The following GBA2 variants were observed in gnomAD, a reference collection of about 807,000 sequenced individuals.
GBA2 encodes glucosylceramidase beta 2, also known as non-lysosomal glucosylceramidase.
Under a neutral mutation model 112.9 loss-of-function variants are expected in GBA2, and 79 were observed. The ratio of observed to expected loss-of-function variants is 0.70; its 90% CI spans 0.58 to 0.84. The LOEUF (loss-of-function observed/expected upper bound fraction) is 0.84, where lower values mean the gene tolerates loss of function less well. GBA2 is among the 40% of genes least tolerant of loss of function. GBA2 has a pLI of 0.00. For synonymous variants in GBA2, 403 were observed against 434.3 expected (o/e 0.93, Z 0.90); for missense variants, 1,043 against 1,190.0 (o/e 0.88, Z 1.82).
chr9:35,737,751 T>C lies in GBA2; in HGVS notation c.2502A>G (p.Gln834=). 1 of 1,613,974 alleles carries C rather than the reference T, an allele frequency of 6.2e-7. No individual in the cohort carries two copies. Among genetic ancestry groups the C allele is most frequent in the South Asian group, 1.1e-5 (1 of 91,078 alleles). Reference sequence around the variant, plus strand: ...GATGGGAAAAGGAGTGCATTACCTCTTGGATCATGGTAGCTGCCAGCCCGT... The same window carrying C: ...GATGGGAAAAGGAGTGCATTACCTCCTGGATCATGGTAGCTGCCAGCCCGT... ...VVYGLAATMI[Q]EGLTWEGFQT... Residue 834 remains glutamine, a synonymous_variant, in exon 16 of 17, where the codon CAA becomes CAG. Transcript: ENST00000378103. The surrounding 1 kb of genome is among the most constrained non-coding windows in gnomAD (Gnocchi z 4.1).
rs773564024 is a variant in GBA2, at chr9:35,737,507, A to C, written c.2506-60T>G. On this transcript the variant is annotated intron_variant, in intron 16 of 16. Coordinates refer to ENST00000378103, the MANE Select transcript of GBA2 (RefSeq NM_020944.3). The surrounding 1 kb of genome is among the most constrained non-coding windows in gnomAD (Gnocchi z 4.1). ...TGGCACCCTCTGAAGAGCCACTTCCACTGGATAGATGGAGGCAGTAGAGTC... is the reference window on the plus strand; with the variant it reads ...TGGCACCCTCTGAAGAGCCACTTCCCCTGGATAGATGGAGGCAGTAGAGTC... The C allele has an allele frequency of 2.5e-6, 4 of 1,583,968 alleles. No homozygotes were observed. Among genetic ancestry groups the C allele is most frequent in the Middle Eastern group, 3.3e-4 (2 of 6,024 alleles).
chr9:35,738,617 C>G lies in GBA2; in HGVS notation c.1963G>C (p.Glu655Gln). 6.2e-7 allele frequency: 1 copy of G among 1,613,544 alleles called. No individual in the cohort carries two copies. The highest frequency in any genetic ancestry group is 8.5e-7 in the Non-Finnish European group (1 of 1,179,450). Reference protein sequence around the residue: ...WPVCLAVMESEMKFDKDHDGL... With the variant: ...WPVCLAVMESQMKFDKDHDGL... ...TCATGGTCCTTGTCAAACTTCATTTCAGATTCCATCACAGCCTAGAGAGGG... is the reference window on the plus strand; with the variant it reads ...TCATGGTCCTTGTCAAACTTCATTTGAGATTCCATCACAGCCTAGAGAGGG... The change falls in exon 13 of 17, where the codon GAA becomes CAA. Residue 655 changes from glutamate (E) to glutamine (Q), a missense_variant. Coordinates refer to ENST00000378103, the MANE Select transcript of GBA2 (RefSeq NM_020944.3).
chr9:35,739,382 G>A lies in GBA2; in HGVS notation c.1620C>T (p.His540=), dbSNP rs977241642. The change falls in exon 10 of 17, where the codon CAC becomes CAT. Residue 540 remains histidine, a synonymous_variant. Coordinates refer to ENST00000378103, the MANE Select transcript of GBA2 (RefSeq NM_020944.3). ...EYRMYNTYDV[H]FYASFALIML... is the part of the protein sequence containing the mutation. ...TGATGAGGGCAAAGGAAGCATAAAA[G>A]TGGACATCATATGTGTTGTACATGC... 2.5e-6 allele frequency: 4 copies of A among 1,613,516 alleles called. No homozygotes were observed. The African/African-American group carries it at 5.3e-5, about 22-fold the overall frequency.
rs141800351 is a variant in GBA2, at chr9:35,748,488, C to T, written c.217G>A (p.Glu73Lys). The change falls in exon 1 of 17, where the codon GAG becomes AAG. Residue 73 changes from glutamate (E) to lysine (K), a missense_variant. Transcript: ENST00000378103. ...EDSGQLMVSY[E>K]GKAMGYQVPP... The stretch of plus-strand genomic sequence containing the variant: ...ACCTGGTAGCCCATAGCTTTACCCT[C>T]ATAGGAAACCATCAGCTGCCCAGAG... 120 of 1,614,192 alleles carry T rather than the reference C, an allele frequency of 7.4e-5. 1 individual carries two copies. In the African/African-American group the frequency reaches 1.5e-3, roughly 20 times the overall value.
intron 10 of GBA2, 57 bp from the exon 11 acceptor site, chr9:35,739,166 C>T: frequency 5.0e-6 from 6 of 1,199,682 alleles, no homozygotes; most frequent in Middle Eastern, 2.0e-4. Context: ...GAGGGGCACA[C>T]AGCTATGTGT....
At position 35,740,690 on chromosome 9, in the gene GBA2, C is replaced by T; in HGVS notation, c.1027-62G>A. On this transcript the variant is annotated intron_variant, in intron 5 of 16. Transcript: ENST00000378103. This position sits in a 1 kb window ranked among gnomAD's most constrained non-coding sequence, Gnocchi z 4.7. Reference sequence around the variant, plus strand: ...CGAGTACACTGGGTCCCGGCTAGCTCCCCAGCTCCTCTTACTTACTCTTAA... The same window carrying T: ...CGAGTACACTGGGTCCCGGCTAGCTTCCCAGCTCCTCTTACTTACTCTTAA... The T allele has an allele frequency of 6.6e-7, 1 of 1,521,066 alleles. No homozygotes were observed. Among genetic ancestry groups the T allele is most frequent in the Non-Finnish European group, 9.1e-7 (1 of 1,098,670 alleles). 94.2% of individuals were successfully genotyped at this position (1,521,066 alleles called of 1,614,324 possible). A position where few individuals can be genotyped will look rare whatever the true frequency, so the allele number is the denominator to read the frequency against.
rs142607078 is a variant in GBA2 at position 35,740,296 on chromosome 9, C to T, written c.1196G>A (p.Arg399Gln). 15 of 1,613,946 alleles carry T rather than the reference C, an allele frequency of 9.3e-6. No individual in the cohort carries two copies. In the East Asian group the frequency reaches 1.1e-4, roughly 12 times the overall value. Residue 399 changes from arginine to glutamine, a missense_variant, in exon 7 of 17, where the codon CGA (arginine) becomes CAA (glutamine). Physicochemically the swap from Arg to Gln is conservative, Grantham distance 43. Transcript: ENST00000378103. This position sits in a 1 kb window ranked among gnomAD's most constrained non-coding sequence, Gnocchi z 4.7. ...AGAVCVSSKL[R>Q]PRGQCRLEFS... is the part of the protein sequence containing the mutation. ...CTCCAGGCGGCACTGGCCTCGAGGTCGCAACTTGCTGGAAACACACACAGC... is the reference window on the plus strand; with the variant it reads ...CTCCAGGCGGCACTGGCCTCGAGGTTGCAACTTGCTGGAAACACACACAGC...
intron 3 of GBA2, chr9:35,743,449 G>A (rs1826811397): frequency 6.5e-6 from 1 of 153,352 alleles, no homozygotes; most frequent in South Asian, 2.1e-4. Context: ...TTTAATTGTA[G>A]AGTCACAATT....
chr9:35,744,445 G>T, intron 2 of GBA2, 33 bp from the exon 3 acceptor site: 1 of 1,313,620 alleles, frequency 7.6e-7, no homozygotes, highest in Non-Finnish European at 1.1e-6. Context: ...TGGGGTATTG[G>T]GAGAGGAAAA....
chr9:35,742,227 G>C (rs1826732490), intron 3 of GBA2, among the ~76,000 whole-genome samples: 1 of 152,172 alleles, frequency 6.6e-6, no homozygotes, highest in Non-Finnish European at 1.5e-5. Context: ...GGATGTTTCA[G>C]TGACTCCCCA....
intron 3 of GBA2, 117 bp from the exon 4 acceptor site, chr9:35,742,007 T>C: frequency 1.4e-6 from 1 of 704,452 alleles, no homozygotes; most frequent in South Asian, 1.6e-5. Context: ...CACTGCACCA[T>C]CAGCTTCAAG....
rs745609492 is a variant in GBA2, at chr9:35,738,046, T to C, written c.2304A>G (p.Gly768=). 1 of 1,608,256 alleles carries C rather than the reference T, an allele frequency of 6.2e-7. No individual in the cohort carries two copies. Among genetic ancestry groups the C allele is most frequent in the South Asian group, 1.1e-5 (1 of 90,742 alleles). The part of the protein sequence containing the change: ...WFLKACGLGE[G]DTEVFPTQHV... The stretch of plus-strand genomic sequence containing the variant: ...CCTCCTCCTCTCTCACCTCAGTGTC[T>C]CCTTCTCCTAGGCCACAGGCCTTCA... The change falls in exon 15 of 17, where the codon GGA becomes GGG. Residue 768 remains glycine, a synonymous_variant. Coordinates refer to ENST00000378103, the MANE Select transcript of GBA2 (RefSeq NM_020944.3).
chr9:35,742,154 T>C, intron 3 of GBA2: 1 of 529,202 alleles, frequency 1.9e-6, no homozygotes, highest in Non-Finnish European at 3.4e-6. Flanking sequence ...CTGTGGCCCT[T>C]TTCATCTGGG....
intron 3 of GBA2, chr9:35,742,151 C>G (rs1267410465): frequency 1.9e-6 from 1 of 534,816 alleles, no homozygotes; most frequent in Non-Finnish European, 3.4e-6. Context: ...TTTCTGTGGC[C>G]CTTTTCATCT....
chr9:35,737,274 CTGCTGT>C lies in GBA2; in HGVS notation c.2673_2678del (p.Gln893_Gln894del), dbSNP rs1272948708. The C allele has an allele frequency of 6.2e-7, 1 of 1,613,966 alleles. No homozygotes were observed. The highest frequency in any genetic ancestry group is 1.3e-5 in the African/African-American group (1 of 74,946). ...TTGGCCAGGAGGCCTTTTTGTGCTGCTGCTGTTGCAGGGCTAGCTGCATGGCCCATA... is the reference window on the plus strand; with the variant it reads ...TTGGCCAGGAGGCCTTTTTGTGCTGCTGCAGGGCTAGCTGCATGGCCCATA... On this transcript the variant is annotated inframe_deletion, in exon 17 of 17. Transcript: ENST00000378103. The surrounding 1 kb of genome is among the most constrained non-coding windows in gnomAD (Gnocchi z 4.1).
intron 12 of GBA2, 22 bp downstream of exon 12, chr9:35,738,730 C>G (rs750465498): frequency 1.2e-6 from 2 of 1,612,690 alleles, no homozygotes; most frequent in Non-Finnish European, 1.7e-6. Flanking sequence ...GGCACACTGG[C>G]CACTGCATGT....
intron 3 of GBA2, among the ~76,000 whole-genome samples, chr9:35,742,653 G>A (rs1010907601): frequency 3.3e-5 from 5 of 152,208 alleles, no homozygotes; most frequent in Non-Finnish European, 7.3e-5. Flanking sequence ...GAGTTGGCAT[G>A]TATGTGGAGG....
chr9:35,739,670 G>A lies in GBA2; in HGVS notation c.1540C>T (p.Arg514Cys), dbSNP rs115051365. The change falls in exon 9 of 17, where the codon CGC becomes TGC. Residue 514 changes from arginine to cysteine, a missense_variant. Coordinates refer to ENST00000378103, the MANE Select transcript of GBA2 (RefSeq NM_020944.3). ...CGACCGTAGTCCCGTAGGGTGGGGC[G>A]GAGGTGACACATGTTTCTGCCCAGC... ...EELGRNMCHLRPTLRDYGRFG... is the reference protein window; with the variant it reads ...EELGRNMCHLCPTLRDYGRFG... 1.7e-5 allele frequency: 28 copies of A among 1,614,082 alleles called. No homozygotes were observed. The African/African-American group carries it at 2.8e-4, about 16-fold the overall frequency.
At position 35,738,992 on chromosome 9, in the gene GBA2, G is replaced by A; in HGVS notation, c.1795+10C>T. The A allele has an allele frequency of 6.2e-7, 1 of 1,608,202 alleles. No individual in the cohort carries two copies. The highest frequency in any genetic ancestry group is 8.5e-7 in the Non-Finnish European group (1 of 1,174,928). ...GAGGGAGGGAAGCTGACCTTGGGGTGGACTTTTACCTGGGTCCCCAATATC... is the reference window on the plus strand; with the variant it reads ...GAGGGAGGGAAGCTGACCTTGGGGTAGACTTTTACCTGGGTCCCCAATATC... On this transcript the variant is annotated intron_variant, in intron 11 of 16. Transcript: ENST00000378103.
Sources: gnomAD v4.1 joint callset for allele counts (sites outside exome capture counted in the v4.1 genomes callset) on GRCh38, gnomAD v4.1.1 for gene constraint, Gnocchi (gnomAD v3.1) non-coding constraint, MANE v1.5 for transcripts, NCBI Gene and HGNC (gene_info 2026-07-23, HGNC 2026-07-21) for gene names.